Variants in CCDC158 observed in about 807,000 individuals in gnomAD.
The protein encoded by CCDC158 is coiled-coil domain containing 158.
CCDC158 carries 116 observed loss-of-function variants against 138.6 expected under a neutral mutation model. The ratio of observed to expected loss-of-function variants is 0.84; its 90% CI spans 0.72 to 0.98. The LOEUF (loss-of-function observed/expected upper bound fraction) is 0.98, where lower values mean the gene tolerates loss of function less well. Among genes scored for constraint, CCDC158 ranks in the 50% least tolerant of loss-of-function variants. The probability of loss-of-function intolerance (pLI) is 0.00; values close to 1 mark genes in which losing one functional copy is unlikely to be tolerated. For synonymous variants in CCDC158, 436 were observed against 442.4 expected, an observed-to-expected ratio of 0.99 and a Z score of 0.18; for missense variants, 1,265 against 1,306.1, an observed-to-expected ratio of 0.97 and a Z score of 0.48.
intron 1 of CCDC158, among the ~76,000 whole-genome samples, chr4:76,413,493 G>T (rs1322880117): frequency 6.6e-6 from 1 of 150,432 alleles, no homozygotes; most frequent in Non-Finnish European, 1.5e-5. Context: ...AAAAAAAAAG[G>T]AAAAGAAAAA....
chr4:76,331,665 G>C (rs147435143), intron 20 of CCDC158, among the ~76,000 whole-genome samples: 2,443 of 152,234 alleles, frequency 0.016, 25 homozygotes, highest in Middle Eastern at 0.034. Context: ...GAAAAAGCTT[G>C]AAGACAAAAA....
At chr4:76,407,622 G>A (rs1334184192) in intron 2 of CCDC158, among the ~76,000 whole-genome samples, 1 of 152,106 alleles carries the variant, frequency 6.6e-6, no homozygotes, top group Non-Finnish European at 1.5e-5. Flanking sequence ...CACTAAGAAA[G>A]TTCAAATTGC....
At chr4:76,379,428 T>G (rs775060735) in intron 8 of CCDC158, 24 bp from the exon 9 acceptor site, 1 of 1,427,770 alleles carries the variant, frequency 7.0e-7, no homozygotes, top group Non-Finnish European at 9.6e-7. Flanking sequence ...AGAAGGGGAA[T>G]AAGTGCAAAT....
intron 4 of CCDC158, among the ~76,000 whole-genome samples, chr4:76,395,239 G>A (rs755378623): frequency 1.4e-4 from 22 of 152,080 alleles, no homozygotes; most frequent in Non-Finnish European, 2.8e-4. Context: ...CTGTTTATAT[G>A]ACAAGCTCCC....
intron 10 of CCDC158, 29 bp from the exon 11 acceptor site, chr4:76,369,652 T>A: frequency 6.4e-7 from 1 of 1,566,748 alleles, no homozygotes. Context: ...GCTTTTTTCC[T>A]CCCTGCTATT....
chr4:76,390,886 G>T (rs866278346), intron 4 of CCDC158, among the ~76,000 whole-genome samples: 1 of 151,932 alleles, frequency 6.6e-6, no homozygotes, highest in Non-Finnish European at 1.5e-5. Context: ...AAGAGACAAA[G>T]AAGTCACAAT....
At chr4:76,358,382 T>C (rs1417749725) in intron 13 of CCDC158, among the ~76,000 whole-genome samples, 1 of 152,190 alleles carries the variant, frequency 6.6e-6, no homozygotes, top group Non-Finnish European at 1.5e-5. Context: ...AAAATCCTCC[T>C]TAACTGCTTG....
At chr4:76,318,585 A>T (rs1719635014) in intron 24 of CCDC158, among the ~76,000 whole-genome samples, 1 of 152,186 alleles carries the variant, frequency 6.6e-6, no homozygotes, top group South Asian at 2.1e-4. Context: ...TCAGGCATTA[A>T]AAAAGGATTG....
intron 15 of CCDC158, among the ~76,000 whole-genome samples, chr4:76,354,784 C>T (rs1430682361): frequency 6.6e-6 from 1 of 152,220 alleles, no homozygotes; most frequent in African/African-American, 2.4e-5. Flanking sequence ...TCTCCTCCTA[C>T]TCCTCCACAA....
chr4:76,351,300 AT>A (rs1307562748), intron 17 of CCDC158, among the ~76,000 whole-genome samples, 179 bp from the exon 18 acceptor site: 1 of 129,076 alleles, frequency 7.7e-6, no homozygotes, highest in Non-Finnish European at 1.9e-5. Context: ...AAAATGTACG[AT>A]TTAAAAAAAA....
At chr4:76,323,578 A>G (rs761333782) in intron 23 of CCDC158, among the ~76,000 whole-genome samples, 169 bp from the exon 24 acceptor site, 3 of 152,234 alleles carry the variant, frequency 2.0e-5, no homozygotes, top group Non-Finnish European at 4.4e-5. Flanking sequence ...ACATGATTTT[A>G]AAAGAGAGAA....
intron 11 of CCDC158, 61 bp downstream of exon 11, chr4:76,369,364 TA>T: frequency 1.3e-6 from 2 of 1,506,734 alleles, no homozygotes; most frequent in Non-Finnish European, 1.8e-6. Context: ...TATTTAGACA[TA>T]AAATATTTAT....
chr4:76,417,107 C>T (rs545938038), intron 1 of CCDC158, among the ~76,000 whole-genome samples: 8 of 152,326 alleles, frequency 5.3e-5, no homozygotes, highest in South Asian at 2.1e-4. Context: ...ACCCATCTCT[C>T]GCATCAGCGT....
intron 14 of CCDC158, 129 bp downstream of exon 14, chr4:76,357,245 A>C: frequency 5.9e-6 from 3 of 511,898 alleles, no homozygotes; most frequent in Non-Finnish European, 6.5e-6. Context: ...AATACCTACT[A>C]TTGTATATTT....
At chr4:76,420,673 T>G (rs1730046365) in intron 1 of CCDC158, among the ~76,000 whole-genome samples, 1 of 152,210 alleles carries the variant, frequency 6.6e-6, no homozygotes, top group Non-Finnish European at 1.5e-5. Flanking sequence ...AGCAGTCACG[T>G]TGGGGCAGGT....
chr4:76,328,655 A>T (rs1720742870), intron 22 of CCDC158, among the ~76,000 whole-genome samples: 1 of 152,208 alleles, frequency 6.6e-6, no homozygotes, highest in African/African-American at 2.4e-5. Context: ...AAAGGCTTTA[A>T]AGGAGCTGAG....
chr4:76,329,960 C>T (rs951336499), intron 21 of CCDC158, among the ~76,000 whole-genome samples: 11 of 152,054 alleles, frequency 7.2e-5, no homozygotes, highest in Admixed American at 5.9e-4. Context: ...CATGTTTTCT[C>T]AATGACGTTT....
chr4:76,325,715 A>G, intron 23 of CCDC158, 142 bp downstream of exon 23: 1 of 568,366 alleles, frequency 1.8e-6, no homozygotes, highest in Admixed American at 3.6e-5. Flanking sequence ...TATTTAAAAA[A>G]GACCTGTTTA....
At chr4:76,382,865 T>A in intron 7 of CCDC158, 145 bp from the exon 8 acceptor site, 1 of 569,474 alleles carries the variant, frequency 1.8e-6, no homozygotes, top group South Asian at 2.6e-5. Flanking sequence ...AACAAGTGTC[T>A]ACAACAAGTC....
Sources: allele counts gnomAD v4.1 joint callset (sites outside exome capture counted in the v4.1 genomes callset), GRCh38; gene constraint gnomAD v4.1.1; transcripts MANE v1.5; gene names NCBI Gene and HGNC (gene_info 2026-07-23, HGNC 2026-07-21).